The following GALNTL6 variants were observed in gnomAD, a reference collection of about 807,000 sequenced individuals.
The protein encoded by GALNTL6 is polypeptide N-acetylgalactosaminyltransferase-like 6.
GALNTL6 carries 46 observed loss-of-function variants against 73.7 expected under a neutral mutation model. That is an observed-to-expected ratio of 0.62 (90% CI 0.49 to 0.80). The LOEUF is 0.80. GALNTL6 is among the 30% of genes least tolerant of loss of function. The pLI is 0.00. For missense variants in GALNTL6, 604 were observed against 755.0 expected (o/e 0.80, Z 2.34); for synonymous variants, 259 against 263.7 (o/e 0.98, Z 0.17).
At chr4:172,984,705 A>C (rs2126441451) in intron 10 of GALNTL6, among the ~76,000 whole-genome samples, 1 of 152,300 alleles carries the variant, frequency 6.6e-6, no homozygotes, top group East Asian at 1.9e-4. Flanking sequence ...AGAAGCCCAA[A>C]CCTCAGTATC....
intron 5 of GALNTL6, among the ~76,000 whole-genome samples, chr4:172,552,280 G>T (rs1300895792): frequency 6.6e-6 from 1 of 152,064 alleles, no homozygotes; most frequent in Non-Finnish European, 1.5e-5. Flanking sequence ...TTGAGCTAGA[G>T]ATTCAAAGAA....
At chr4:172,947,582 A>C (rs77304836) in intron 9 of GALNTL6, among the ~76,000 whole-genome samples, 23,991 of 147,330 alleles carry the variant, frequency 0.16, 2,264 homozygotes, top group African/African-American at 0.26. Flanking sequence ...CCCTTGATAA[A>C]TTTTTTTTTT....
chr4:172,219,137 A>G (rs1736589558), intron 2 of GALNTL6, among the ~76,000 whole-genome samples: 1 of 147,912 alleles, frequency 6.8e-6, no homozygotes, highest in South Asian at 2.1e-4. Flanking sequence ...AGCCAAATTA[A>G]AATGGATAGA....
At chr4:172,591,817 G>A (rs11935317) in intron 5 of GALNTL6, among the ~76,000 whole-genome samples, 4,048 of 152,200 alleles carry the variant, frequency 0.027, 144 homozygotes, top group African/African-American at 0.077. Flanking sequence ...AAGAAAAGTC[G>A]TCAAAATTGA....
chr4:171,973,303 C>T (rs1356763333), intron 2 of GALNTL6, among the ~76,000 whole-genome samples: 8 of 152,188 alleles, frequency 5.3e-5, no homozygotes, highest in African/African-American at 1.9e-4. Context: ...GTACCACAAA[C>T]TAGAAGGCCC....
chr4:172,644,442 T>C (rs1303070068), intron 5 of GALNTL6, among the ~76,000 whole-genome samples: 1 of 152,030 alleles, frequency 6.6e-6, no homozygotes, highest in Non-Finnish European at 1.5e-5. Context: ...ACTTTTCCCA[T>C]TGTAAATTAA....
chr4:172,579,986 G>C (rs1039293543), intron 5 of GALNTL6, among the ~76,000 whole-genome samples: 1 of 152,088 alleles, frequency 6.6e-6, no homozygotes. Context: ...AGACATATAT[G>C]ACCTGAAAAA....
chr4:171,987,292 T>C (rs1031589146), intron 2 of GALNTL6, among the ~76,000 whole-genome samples: 2 of 152,128 alleles, frequency 1.3e-5, no homozygotes, highest in Non-Finnish European at 2.9e-5. Context: ...GTAAGGGATA[T>C]AAAGGTTTGA....
At chr4:172,696,856 T>C (rs1579353568) in intron 5 of GALNTL6, among the ~76,000 whole-genome samples, 1 of 152,310 alleles carries the variant, frequency 6.6e-6, no homozygotes, top group East Asian at 1.9e-4. Context: ...TTCACTTTCA[T>C]GGAAAGGAAA....
intron 5 of GALNTL6, among the ~76,000 whole-genome samples, chr4:172,639,636 T>C (rs1242079708): frequency 6.6e-6 from 1 of 152,080 alleles, no homozygotes; most frequent in Non-Finnish European, 1.5e-5. Context: ...CACCTTCTTC[T>C]CTCTCCTCCA....
intron 5 of GALNTL6, among the ~76,000 whole-genome samples, chr4:172,516,640 GA>G (rs1300879197): frequency 6.6e-6 from 1 of 151,948 alleles, no homozygotes; most frequent in African/African-American, 2.4e-5. Context: ...CAATAGTGCT[GA>G]AAAAATTAAT....
chr4:172,315,748 A>C (rs558741466), intron 4 of GALNTL6, among the ~76,000 whole-genome samples: 2 of 151,688 alleles, frequency 1.3e-5, no homozygotes, highest in African/African-American at 4.8e-5. Context: ...TCTGTATGAC[A>C]AATGTCCAGT....
In GALNTL6 at chr4:172,304,138, C is replaced by T. The variant is rs1740039233; in HGVS notation, c.248-7476C>T. Among the ~76,000 whole-genome samples the T allele has an allele frequency of 2.6e-5, 4 of 152,250 alleles. No individual in the cohort carries two copies. In the South Asian group the frequency reaches 6.2e-4, roughly 24 times the overall value. The stretch of plus-strand genomic sequence containing the variant: ...AACTGTGGTGTTCATATTTCATCCC[C>T]AGACCTTGTCACAGAGTAGGTGCTT... On this transcript the variant is annotated intron_variant, in intron 3 of 12. Coordinates refer to ENST00000506823, the MANE Select transcript of GALNTL6 (RefSeq NM_001034845.3).
chr4:172,816,964 G>C (rs370877126), intron 7 of GALNTL6, among the ~76,000 whole-genome samples: 1 of 151,844 alleles, frequency 6.6e-6, no homozygotes, highest in African/African-American at 2.4e-5. Context: ...ACAATTAGCC[G>C]GGCATGGTGG....
chr4:172,380,019 C>A (rs553946401), intron 5 of GALNTL6: 5 of 942,100 alleles, frequency 5.3e-6, no homozygotes, highest in South Asian at 2.6e-5. Flanking sequence ...ACTTGATGAT[C>A]GGATCAATTT....
At chr4:172,624,731 G>C (rs927055814) in intron 5 of GALNTL6, among the ~76,000 whole-genome samples, 1 of 151,776 alleles carries the variant, frequency 6.6e-6, no homozygotes. Flanking sequence ...GACAATGTTG[G>C]TCTGTATTCA....
At chr4:172,122,812 T>C (rs540039133) in intron 2 of GALNTL6, among the ~76,000 whole-genome samples, 4 of 152,284 alleles carry the variant, frequency 2.6e-5, no homozygotes, top group African/African-American at 9.6e-5. Context: ...CTAAGATCTC[T>C]TTCCTGGGGG....
At chr4:172,812,823 G>A (rs1741387936) in intron 6 of GALNTL6, among the ~76,000 whole-genome samples, 1 of 152,202 alleles carries the variant, frequency 6.6e-6, no homozygotes, top group Non-Finnish European at 1.5e-5. Flanking sequence ...GGGTTGCTAA[G>A]AGTATTAGGA....
At chr4:172,361,428 C>G (rs1742365100) in intron 5 of GALNTL6, among the ~76,000 whole-genome samples, 1 of 151,978 alleles carries the variant, frequency 6.6e-6, no homozygotes, top group Non-Finnish European at 1.5e-5. Flanking sequence ...GAGCTGAAGG[C>G]CAATGTACAT....
Sources: allele counts gnomAD v4.1 joint callset (sites outside exome capture counted in the v4.1 genomes callset), GRCh38; gene constraint gnomAD v4.1.1; transcripts MANE v1.5; gene names NCBI Gene and HGNC (gene_info 2026-07-23, HGNC 2026-07-21).